CCSER1: variants seen among roughly 807,000 people sequenced by gnomAD.
CCSER1 encodes coiled-coil serine rich protein 1, also known as serine-rich coiled-coil domain-containing protein 1.
Under a neutral mutation model 82.0 loss-of-function variants are expected in CCSER1, and 41 were observed. That is an observed-to-expected ratio of 0.50 (90% CI 0.39 to 0.65). The LOEUF (loss-of-function observed/expected upper bound fraction) is 0.65. Among genes scored for constraint, CCSER1 ranks in the 30% least tolerant of loss-of-function variants. CCSER1 has a pLI of 0.00. For synonymous variants in CCSER1, 414 were observed against 383.9 expected (o/e 1.08, Z -0.92); for missense variants, 1,119 against 1,064.2 (o/e 1.05, Z -0.72).
intron 9 of CCSER1, among the ~76,000 whole-genome samples, chr4:91,080,353 T>A (rs1042837296): frequency 6.6e-6 from 1 of 152,124 alleles, no homozygotes; most frequent in Non-Finnish European, 1.5e-5. Flanking sequence ...GAAATGAACA[T>A]GCTCTTTGAA....
chr4:91,262,051 C>T (rs1161022399), intron 10 of CCSER1, among the ~76,000 whole-genome samples: 1 of 151,346 alleles, frequency 6.6e-6, no homozygotes, highest in African/African-American at 2.4e-5. Context: ...TAATATTTGC[C>T]CCGGATGATT....
intron 5 of CCSER1, among the ~76,000 whole-genome samples, chr4:90,533,724 T>C (rs1774927351): frequency 6.6e-6 from 1 of 152,178 alleles, no homozygotes; most frequent in Admixed American, 6.5e-5. Flanking sequence ...CGTTACCTAG[T>C]ATATTTATTT....
chr4:91,447,671 T>C (rs764706951), intron 10 of CCSER1, among the ~76,000 whole-genome samples: 2 of 152,182 alleles, frequency 1.3e-5, no homozygotes, highest in African/African-American at 2.4e-5. Context: ...TGATTGATGG[T>C]CTAATAGTAT....
At chr4:91,509,084 A>G (rs188187067) in intron 10 of CCSER1, among the ~76,000 whole-genome samples, 104 of 151,432 alleles carry the variant, frequency 6.9e-4, no homozygotes, top group Admixed American at 6.8e-3. Flanking sequence ...TTCTCTTTCT[A>G]TTTTATTTAT....
chr4:91,045,821 C>T (rs548748597), intron 9 of CCSER1, among the ~76,000 whole-genome samples: 3 of 152,046 alleles, frequency 2.0e-5, no homozygotes, highest in Admixed American at 1.3e-4. Flanking sequence ...GACCACCAAA[C>T]AGGCTTTGTG....
intron 10 of CCSER1, among the ~76,000 whole-genome samples, chr4:91,561,473 A>G (rs1196509111): frequency 6.6e-6 from 1 of 151,474 alleles, no homozygotes; most frequent in Non-Finnish European, 1.5e-5. Flanking sequence ...TTTTCTCACT[A>G]GTCAGTGAGA....
At chr4:91,399,153 A>T (rs1752170225) in intron 10 of CCSER1, among the ~76,000 whole-genome samples, 1 of 151,896 alleles carries the variant, frequency 6.6e-6, no homozygotes, top group Non-Finnish European at 1.5e-5. Flanking sequence ...CACACTGACA[A>T]GAGGATAGGC....
At chr4:90,803,663 A>C (rs898623658) in intron 7 of CCSER1, among the ~76,000 whole-genome samples, 18 of 152,184 alleles carry the variant, frequency 1.2e-4, no homozygotes, top group African/African-American at 3.6e-4. Context: ...ATAGTGCTGC[A>C]ATAAACATAT....
chr4:91,332,115 A>G (rs890122407), intron 10 of CCSER1, among the ~76,000 whole-genome samples: 1 of 152,098 alleles, frequency 6.6e-6, no homozygotes, highest in African/African-American at 2.4e-5. Flanking sequence ...TTGTGTTGAA[A>G]TCATTTCGAA....
intron 10 of CCSER1, among the ~76,000 whole-genome samples, chr4:91,323,327 T>C (rs375430630): frequency 6.6e-5 from 10 of 152,166 alleles, no homozygotes; most frequent in African/African-American, 2.4e-4. Flanking sequence ...TGCAGATTCA[T>C]AGGACTCCTC....
chr4:91,583,226 T>G (rs1763817183), intron 10 of CCSER1, among the ~76,000 whole-genome samples: 1 of 151,442 alleles, frequency 6.6e-6, no homozygotes, highest in Admixed American at 6.6e-5. Context: ...ATTTTTTCTA[T>G]TTGAACATAT....
At chr4:90,415,454 G>A (rs904315403) in intron 4 of CCSER1, among the ~76,000 whole-genome samples, 1 of 152,102 alleles carries the variant, frequency 6.6e-6, no homozygotes, top group Non-Finnish European at 1.5e-5. Context: ...ATTAGGTAAA[G>A]TAAATATTGT....
chr4:90,238,680 A>G (rs554094364), intron 1 of CCSER1, among the ~76,000 whole-genome samples: 110 of 152,226 alleles, frequency 7.2e-4, no homozygotes, highest in Non-Finnish European at 8.8e-4. Context: ...ATACACACAC[A>G]TACATCTGAA....
chr4:90,637,085 G>A (rs1014546802), intron 6 of CCSER1, among the ~76,000 whole-genome samples: 1 of 152,132 alleles, frequency 6.6e-6, no homozygotes, highest in Non-Finnish European at 1.5e-5. Context: ...AAGTTTCTAT[G>A]GTTAGGAGTT....
Position 90,628,076 on chromosome 4 carries a change from C to T in CCSER1, c.1776C>T (p.Ser592=), listed in dbSNP as rs932918110. The T allele has an allele frequency of 1.9e-5, 31 of 1,613,470 alleles. No individual in the cohort carries two copies. The highest frequency in any genetic ancestry group is 2.7e-5 in the African/African-American group (2 of 74,858). The change falls in exon 6 of 11, where the codon TCC becomes TCT. Residue 592 remains serine, a synonymous_variant. Coordinates refer to ENST00000509176, the MANE Select transcript of CCSER1 (RefSeq NM_001145065.2). ...ACGTTGATCAAGAAGCCAGGTGTTCCCACATCAGCCGAATGCCCAACAGTC... is the reference window on the plus strand; with the variant it reads ...ACGTTGATCAAGAAGCCAGGTGTTCTCACATCAGCCGAATGCCCAACAGTC... ...TKDVDQEARC[S]HISRMPNSPS...
chr4:90,601,833 AT>A (rs939465249), intron 5 of CCSER1, among the ~76,000 whole-genome samples: 10 of 151,920 alleles, frequency 6.6e-5, no homozygotes, highest in South Asian at 2.1e-4. Context: ...TTATAATGTT[AT>A]TTTTTCCCAG....
chr4:90,814,073 T>A (rs1758683528), intron 7 of CCSER1, among the ~76,000 whole-genome samples: 1 of 152,182 alleles, frequency 6.6e-6, no homozygotes, highest in Admixed American at 6.5e-5. Flanking sequence ...TCAACTCTTA[T>A]CCTCTGTGTG....
intron 10 of CCSER1, among the ~76,000 whole-genome samples, chr4:91,401,627 C>A (rs1461919922): frequency 6.6e-6 from 1 of 151,984 alleles, no homozygotes; most frequent in Non-Finnish European, 1.5e-5. Context: ...CAATTCCCAC[C>A]TATGAGTTGA....
At chr4:90,230,451 C>A (rs1375269314) in intron 1 of CCSER1, among the ~76,000 whole-genome samples, 5 of 151,222 alleles carry the variant, frequency 3.3e-5, no homozygotes, top group African/African-American at 1.2e-4. Context: ...ATACCAGAAT[C>A]TCTGGGATGC....
Sources: allele counts gnomAD v4.1 joint callset (sites outside exome capture counted in the v4.1 genomes callset), GRCh38; gene constraint gnomAD v4.1.1; transcripts MANE v1.5; gene names NCBI Gene and HGNC (gene_info 2026-07-23, HGNC 2026-07-21).